The following KHDRBS2 variants were observed in gnomAD, a reference collection of about 807,000 sequenced individuals.
KHDRBS2 encodes KH RNA binding domain containing, signal transduction associated 2, also known as KH domain-containing, RNA-binding, signal transduction-associated protein 2.
A neutral mutation model predicts 44.3 loss-of-function variants in KHDRBS2; 26 were observed. The observed-to-expected ratio is 0.59, with a 90% CI of 0.43 to 0.81. The LOEUF (loss-of-function observed/expected upper bound fraction) is 0.81. KHDRBS2 is among the 40% of genes least tolerant of loss of function. KHDRBS2 has a pLI of 0.00. For missense variants in KHDRBS2, 476 were observed against 433.1 expected, an observed-to-expected ratio of 1.10 and a Z score of -0.88; for synonymous variants, 194 against 151.1, an observed-to-expected ratio of 1.28 and a Z score of -2.08.
rs1405988090 is a variant in KHDRBS2 at position 62,214,528 on chromosome 6, C to T, written c.92-37216G>A. Among the ~76,000 whole-genome samples the T allele has an allele frequency of 2.7e-5, 4 of 147,718 alleles. No homozygotes were observed. The South Asian group carries it at 6.3e-4, about 23-fold the overall frequency. On this transcript the variant is annotated intron_variant, in intron 1 of 8. Coordinates refer to ENST00000281156, the MANE Select transcript of KHDRBS2 (RefSeq NM_152688.4). Reference sequence around the variant, plus strand: ...TCCTCCCACAGATAACAAAAGTAAGCCCAAGACATAATCAAGAAAAACAGC... The same window carrying T: ...TCCTCCCACAGATAACAAAAGTAAGTCCAAGACATAATCAAGAAAAACAGC...
chr6:62,051,514 T>G (rs762207407), intron 2 of KHDRBS2, among the ~76,000 whole-genome samples: 1 of 152,012 alleles, frequency 6.6e-6, no homozygotes, highest in Non-Finnish European at 1.5e-5. Context: ...ATCAGTTGGC[T>G]GTATATGTTT....
At chr6:61,848,552 C>CATATATATAT (rs1223042685) in intron 6 of KHDRBS2, among the ~76,000 whole-genome samples, 2 of 37,250 alleles carry the variant, frequency 5.4e-5, no homozygotes, top group African/African-American at 1.1e-4. Context: ...TATATATATA[C>CATATATATAT]ATATATATAT....
chr6:61,650,882 G>A, the KHDRBS2 span, among the ~76,000 whole-genome samples: 2 of 152,010 alleles, frequency 1.3e-5, no homozygotes, highest in African/African-American at 4.8e-5. Context: ...TTTATTAACA[G>A]GACATAAAAA....
chr6:61,544,344 C>A, the KHDRBS2 span, among the ~76,000 whole-genome samples: 1 of 151,988 alleles, frequency 6.6e-6, no homozygotes, highest in Non-Finnish European at 1.5e-5. Context: ...ATAATCAGCA[C>A]CTTAACTAAG....
intron 8 of KHDRBS2, among the ~76,000 whole-genome samples, chr6:61,695,732 T>C (rs1276751086): frequency 1.3e-5 from 2 of 152,164 alleles, no homozygotes; most frequent in African/African-American, 4.8e-5. Flanking sequence ...AATCAGCCCA[T>C]GGTTAGCAAT....
chr6:61,573,885 T>C, the KHDRBS2 span, among the ~76,000 whole-genome samples: 7 of 61,958 alleles, frequency 1.1e-4, no homozygotes, highest in African/African-American at 4.7e-4. Flanking sequence ...TTACTCAACT[T>C]CTAACTATAC....
chr6:61,805,908 T>G (rs1382376358), intron 6 of KHDRBS2, among the ~76,000 whole-genome samples: 6 of 152,168 alleles, frequency 3.9e-5, no homozygotes, highest in African/African-American at 1.4e-4. Context: ...AAACACTATA[T>G]TGCTGTTTCA....
chr6:61,730,527 T>C (rs1335192458), intron 7 of KHDRBS2, among the ~76,000 whole-genome samples: 5 of 152,066 alleles, frequency 3.3e-5, no homozygotes, highest in Admixed American at 3.3e-4. Context: ...TGTACACAAA[T>C]AATCCCAATG....
intron 2 of KHDRBS2, among the ~76,000 whole-genome samples, chr6:62,132,534 G>C (rs970098562): frequency 6.6e-6 from 1 of 152,116 alleles, no homozygotes; most frequent in Non-Finnish European, 1.5e-5. Flanking sequence ...TCCTTTAATG[G>C]ATTACATTTA....
chr6:61,598,544 C>A, the KHDRBS2 span, among the ~76,000 whole-genome samples: 1 of 152,116 alleles, frequency 6.6e-6, no homozygotes, highest in Non-Finnish European at 1.5e-5. Flanking sequence ...GTCAGTAAGA[C>A]AGGAGATCAA....
At chr6:61,813,552 T>C (rs1296585375) in intron 6 of KHDRBS2, among the ~76,000 whole-genome samples, 1 of 152,164 alleles carries the variant, frequency 6.6e-6, no homozygotes, top group Non-Finnish European at 1.5e-5. Context: ...AAGCTAATAT[T>C]AGAAGAGTAT....
At chr6:61,564,884 T>G in the KHDRBS2 span, among the ~76,000 whole-genome samples, 10 of 152,028 alleles carry the variant, frequency 6.6e-5, no homozygotes. Context: ...ATTACCTGAC[T>G]TCAAATTATA....
chr6:62,007,408 T>G (rs1255615676), intron 3 of KHDRBS2, among the ~76,000 whole-genome samples: 2 of 152,016 alleles, frequency 1.3e-5, no homozygotes, highest in African/African-American at 4.8e-5. Flanking sequence ...TGATGTTTTT[T>G]TTTTTCTTTT....
intron 2 of KHDRBS2, among the ~76,000 whole-genome samples, chr6:62,084,737 T>TA (rs1798089010): frequency 6.6e-6 from 1 of 152,186 alleles, no homozygotes; most frequent in Non-Finnish European, 1.5e-5. Context: ...AATGAAGTAT[T>TA]ATGTGGATTT....
chr6:62,277,008 T>C (rs1487013903), intron 1 of KHDRBS2, among the ~76,000 whole-genome samples: 17 of 152,320 alleles, frequency 1.1e-4, no homozygotes. Context: ...TTACTTGTGG[T>C]AATGCATCGT....
chr6:62,114,449 A>G (rs1805735924), intron 2 of KHDRBS2, among the ~76,000 whole-genome samples: 1 of 152,130 alleles, frequency 6.6e-6, no homozygotes, highest in Non-Finnish European at 1.5e-5. Flanking sequence ...TTCTGAGCCT[A>G]TATTTTTCTT....
At chr6:61,597,773 T>TACATATACAC in the KHDRBS2 span, among the ~76,000 whole-genome samples, 1 of 42,328 alleles carries the variant, frequency 2.4e-5, no homozygotes. Flanking sequence ...TATATATATA[T>TACATATACAC]ACACCAAGAT....
chr6:62,058,513 G>A (rs183268762), intron 2 of KHDRBS2, among the ~76,000 whole-genome samples: 1 of 151,772 alleles, frequency 6.6e-6, no homozygotes, highest in Non-Finnish European at 1.5e-5. Flanking sequence ...TGTGTTTGTT[G>A]CCATTAAAAC....
At chr6:61,724,303 G>T (rs1167576562) in intron 7 of KHDRBS2, among the ~76,000 whole-genome samples, 1 of 152,008 alleles carries the variant, frequency 6.6e-6, no homozygotes, top group African/African-American at 2.4e-5. Context: ...TATCACAAGA[G>T]CTTCTTAAAA....
Sources: gnomAD v4.1 joint callset for allele counts (sites outside exome capture counted in the v4.1 genomes callset) on GRCh38, gnomAD v4.1.1 for gene constraint, MANE v1.5 for transcripts, NCBI Gene and HGNC (gene_info 2026-07-23, HGNC 2026-07-21) for gene names.